The following DNALI1 variants were observed in gnomAD, a reference collection of about 807,000 sequenced individuals.
The protein encoded by DNALI1 is axonemal dynein light intermediate polypeptide 1.
A neutral mutation model predicts 33.9 loss-of-function variants in DNALI1; 31 were observed. That is an observed-to-expected ratio of 0.91 (90% CI 0.69 to 1.23). The LOEUF is 1.23. DNALI1 is among the 50% of genes most tolerant of loss of function. The probability of loss-of-function intolerance (pLI) is 0.00; values close to 1 mark genes in which losing one functional copy is unlikely to be tolerated. For missense variants in DNALI1, 305 were observed against 323.8 expected (o/e 0.94, Z 0.44); for synonymous variants, 117 against 129.2 (o/e 0.91, Z 0.64).
rs1643494597 is a variant in DNALI1, at chr1:37,565,913, A to G, written c.*852A>G. On this transcript the variant is annotated 3_prime_UTR_variant, in exon 6 of 6. Coordinates refer to ENST00000652629, the MANE Select transcript of DNALI1 (RefSeq NM_003462.5). ...AACTGCATTTTAGTATTTCTCTTCC[A>G]TTCTCCTGGTTTTGTAGACCCAGAA... 6.6e-6 allele frequency: 1 copy of G among 152,208 alleles called. No individual in the cohort carries two copies. Among genetic ancestry groups the G allele is most frequent in the African/African-American group, 2.4e-5 (1 of 41,448 alleles). The allele number at this position is 152,208 out of a possible 1,614,324, so 9.4% of individuals were successfully genotyped here. A position where few individuals can be genotyped will look rare whatever the true frequency, so the allele number is the denominator to read the frequency against.
At chr1:37,564,959 C>A in intron 5 of DNALI1, 67 bp from the exon 6 acceptor site, 1 of 1,520,430 alleles carries the variant, frequency 6.6e-7, no homozygotes, top group Non-Finnish European at 9.1e-7. Flanking sequence ...GAGATTTGAT[C>A]ACCTCTCAGC....
intron 5 of DNALI1, among the ~76,000 whole-genome samples, chr1:37,563,236 C>G (rs1643461104): frequency 6.6e-6 from 1 of 152,230 alleles, no homozygotes; most frequent in South Asian, 2.1e-4. Context: ...AGAAGGCTTT[C>G]TGTTAACCAC....
At chr1:37,560,003 C>T (rs764073397) in intron 3 of DNALI1, among the ~76,000 whole-genome samples, 18 of 152,198 alleles carry the variant, frequency 1.2e-4, no homozygotes, top group Non-Finnish European at 1.6e-4. Flanking sequence ...GCACGTAGGC[C>T]GGATTTATGC....
chr1:37,563,176 T>C (rs1231699223), intron 5 of DNALI1, among the ~76,000 whole-genome samples: 2 of 152,206 alleles, frequency 1.3e-5, no homozygotes, highest in African/African-American at 2.4e-5. Flanking sequence ...AATCTTGACA[T>C]TGCAGGCTTG....
intron 3 of DNALI1, chr1:37,560,969 TCC>T (rs1643431088): frequency 6.6e-6 from 1 of 152,508 alleles, no homozygotes; most frequent in Non-Finnish European, 1.5e-5. Flanking sequence ...AATGGCTGTC[TCC>T]CAGCCCAGTC....
At chr1:37,563,443 C>T (rs973038518) in intron 5 of DNALI1, among the ~76,000 whole-genome samples, 4 of 152,216 alleles carry the variant, frequency 2.6e-5, no homozygotes, top group Admixed American at 2.6e-4. Context: ...CATTTAAAAG[C>T]AATCTTGTAA....
intron 3 of DNALI1, among the ~76,000 whole-genome samples, chr1:37,560,097 G>A (rs369560842): frequency 9.2e-5 from 14 of 152,334 alleles, no homozygotes; most frequent in Non-Finnish European, 1.5e-4. Flanking sequence ...GCCACAGGGC[G>A]TTTTTTCTCC....
Position 37,557,751 on chromosome 1 carries a change from A to G in DNALI1, c.227+3A>G. 6.2e-7 allele frequency: 1 copy of G among 1,613,600 alleles called. No individual in the cohort carries two copies. The highest frequency in any genetic ancestry group is 8.5e-7 in the Non-Finnish European group (1 of 1,179,772). On this transcript the variant is annotated splice_donor_region_variant and intron_variant, in intron 2 of 5. Transcript: ENST00000652629. ...TTGAATGCCATACTACCCCCAAGGT[A>G]AGAAAGTAGGAGCAGTGGCTGGGAG...
rs192542591 is a variant in DNALI1, at chr1:37,562,817, G to A, written c.741+572G>A. ...TATCCAGCTGAGGTGATAGGAGGGA[G>A]GGGGCTGGTGGACAAAGCTGGGCAG... On this transcript the variant is annotated intron_variant, in intron 5 of 5. Coordinates refer to ENST00000652629, the MANE Select transcript of DNALI1 (RefSeq NM_003462.5). This position sits in a 1 kb window ranked among gnomAD's most constrained non-coding sequence, Gnocchi z 5.8. Among the ~76,000 whole-genome samples the A allele has an allele frequency of 1.1e-3, 169 of 152,350 alleles. No individual in the cohort carries two copies. Among genetic ancestry groups the A allele is most frequent in the Admixed American group, 4.1e-3 (63 of 15,310 alleles).
chr1:37,563,919 G>A (rs960431060), intron 5 of DNALI1, among the ~76,000 whole-genome samples: 13 of 152,070 alleles, frequency 8.5e-5, no homozygotes, highest in Non-Finnish European at 1.6e-4. Flanking sequence ...ACTCCCAAGT[G>A]TCTTAAGCTT....
At position 37,561,256 on chromosome 1, in the gene DNALI1, C is replaced by G; in HGVS notation, c.398-301C>G. ...AGTAGTAACCAGTTTTTACCTAAGG[C>G]AGGAAGGGAGGGGACCCAGTGCTGT... On this transcript the variant is annotated intron_variant, in intron 3 of 5. Coordinates refer to ENST00000652629, the MANE Select transcript of DNALI1 (RefSeq NM_003462.5). The surrounding 1 kb of genome is among the most constrained non-coding windows in gnomAD (Gnocchi z 4.6). The G allele has an allele frequency of 3.0e-6, 1 of 332,996 alleles. No individual in the cohort carries two copies. The highest frequency in any genetic ancestry group is 5.6e-6 in the Non-Finnish European group (1 of 179,556). 20.6% of individuals were successfully genotyped at this position (332,996 alleles called of 1,614,324 possible). A position where few individuals can be genotyped will look rare whatever the true frequency, so the allele number is the denominator to read the frequency against.
In DNALI1 at chr1:37,564,627, C is replaced by T. The variant is rs561880988; in HGVS notation, c.742-399C>T. 3.9e-5 allele frequency among the ~76,000 whole-genome samples: 6 copies of T among 152,260 alleles called. No homozygotes were observed. In the East Asian group the frequency reaches 5.8e-4, roughly 15 times the overall value. On this transcript the variant is annotated intron_variant, in intron 5 of 5. Transcript: ENST00000652629. Reference sequence around the variant, plus strand: ...GGATCTCCTGACCTCACGATCCGCCCGCCTCAGCCTCCCAAAGTGCTGGGA... The same window carrying T: ...GGATCTCCTGACCTCACGATCCGCCTGCCTCAGCCTCCCAAAGTGCTGGGA...
In DNALI1 at chr1:37,559,510, G is replaced by A; in HGVS notation, c.397+14G>A. On this transcript the variant is annotated intron_variant, in intron 3 of 5. Transcript: ENST00000652629. The surrounding 1 kb of genome is among the most constrained non-coding windows in gnomAD (Gnocchi z 5.3). Reference sequence around the variant, plus strand: ...CACAGTGTTTTGGTGAGTGAGCCAGGTGAGGGGTGGGCACTACACACCCTA... The same window carrying A: ...CACAGTGTTTTGGTGAGTGAGCCAGATGAGGGGTGGGCACTACACACCCTA... 6.3e-7 allele frequency: 1 copy of A among 1,592,808 alleles called. No individual in the cohort carries two copies. Among genetic ancestry groups the A allele is most frequent in the East Asian group, 2.3e-5 (1 of 44,304 alleles).
At chr1:37,563,716 C>G (rs946627446) in intron 5 of DNALI1, among the ~76,000 whole-genome samples, 8 of 152,044 alleles carry the variant, frequency 5.3e-5, no homozygotes, top group Non-Finnish European at 1.0e-4. Context: ...GTCATGAACT[C>G]CTGACCTCAC....
intron 2 of DNALI1, 180 bp downstream of exon 2, chr1:37,557,928 C>A: frequency 1.3e-6 from 1 of 774,160 alleles, no homozygotes; most frequent in Non-Finnish European, 2.0e-6. Context: ...TCTTCTCAAT[C>A]TACCCTCATT....
At chr1:37,557,539 G>C in intron 1 of DNALI1, 64 bp from the exon 2 acceptor site, 1 of 1,568,298 alleles carries the variant, frequency 6.4e-7, no homozygotes, top group Non-Finnish European at 8.6e-7. Context: ...CAATATACAG[G>C]TTGGGGATGT....
At chr1:37,557,157 C>A in intron 1 of DNALI1, 82 bp downstream of exon 1, 1 of 1,596,760 alleles carries the variant, frequency 6.3e-7, no homozygotes, top group South Asian at 1.1e-5. Flanking sequence ...GGTCAGGAAT[C>A]TCAAGGGACG....
chr1:37,563,894 G>A (rs1643468693), intron 5 of DNALI1, among the ~76,000 whole-genome samples: 1 of 152,140 alleles, frequency 6.6e-6, no homozygotes, highest in Non-Finnish European at 1.5e-5. Flanking sequence ...GGCTACCAGA[G>A]GAACATAGTA....
Position 37,557,733 on chromosome 1 carries a change from C to A in DNALI1, c.212C>A (p.Ala71Asp). 2 of 1,613,714 alleles carry A rather than the reference C, an allele frequency of 1.2e-6. No individual in the cohort carries two copies. Among genetic ancestry groups the A allele is most frequent in the East Asian group, 2.2e-5 (1 of 44,834 alleles). The change falls in exon 2 of 6, where the codon GCC becomes GAC. Residue 71 changes from alanine (A) to aspartate (D), a missense_variant. Transcript: ENST00000652629. The part of the protein sequence containing the change: ...PTKQAEEILN[A>D]ILPPREWVED... ...AAGCAGGCAGAAGAAATCTTGAATG[C>A]CATACTACCCCCAAGGTAAGAAAGT...
Sources: gnomAD v4.1 joint callset for allele counts (sites outside exome capture counted in the v4.1 genomes callset) on GRCh38, gnomAD v4.1.1 for gene constraint, Gnocchi (gnomAD v3.1) non-coding constraint, MANE v1.5 for transcripts, NCBI Gene and HGNC (gene_info 2026-07-23, HGNC 2026-07-21) for gene names.